Variants in CNTN4 observed in about 807,000 individuals in gnomAD.
CNTN4 encodes the protein contactin-4.
CNTN4 carries 77 observed loss-of-function variants against 122.5 expected under a neutral mutation model. That is an observed-to-expected ratio of 0.63 (90% CI 0.52 to 0.76). The LOEUF (loss-of-function observed/expected upper bound fraction) is 0.76. Among genes scored for constraint, CNTN4 ranks in the 30% least tolerant of loss-of-function variants. The pLI is 0.00. For missense variants in CNTN4, 1,256 were observed against 1,259.1 expected (o/e 1.00, Z 0.04); for synonymous variants, 512 against 447.0 (o/e 1.15, Z -1.83).
intron 2 of CNTN4, among the ~76,000 whole-genome samples, chr3:2,116,640 A>G (rs2033373251): frequency 6.6e-6 from 1 of 152,156 alleles, no homozygotes; most frequent in Admixed American, 6.5e-5. Flanking sequence ...GTTCTTAACA[A>G]AAACAGAGGA....
At chr3:2,810,758 T>C (rs188117036) in intron 6 of CNTN4, among the ~76,000 whole-genome samples, 1 of 152,362 alleles carries the variant, frequency 6.6e-6, no homozygotes, top group East Asian at 1.9e-4. Context: ...AAGTGATTAA[T>C]AGCAAGGTCA....
rs576471026 is a variant in CNTN4 at position 2,142,491 on chromosome 3, A to G, written c.-145+41852A>G. Among the ~76,000 whole-genome samples the G allele has an allele frequency of 4.3e-3, 649 of 151,918 alleles. 5 individuals are homozygous for G. The highest frequency in any genetic ancestry group is 0.02 in the Middle Eastern group (6 of 294). On this transcript the variant is annotated intron_variant, in intron 2 of 24. Transcript: ENST00000418658. ...AGATTCTCCTGCCTCAGCCTCCCCA[A>G]TAGCTGGGATTACAGGTGCCCGCCA...
chr3:3,002,115 A>G (rs1450506066), intron 14 of CNTN4, among the ~76,000 whole-genome samples: 2 of 152,216 alleles, frequency 1.3e-5, no homozygotes, highest in African/African-American at 2.4e-5. Context: ...TGAAATAGGG[A>G]GAGTGTAGAT....
In CNTN4 at chr3:2,903,018, A is replaced by C. The variant is rs375389008; in HGVS notation, c.1207+13A>C. ...CTTAGTGTTATAGGTGAGTCTTTAT[A>C]CTGGCAAGAAAAAAAAATTAAAACT... On this transcript the variant is annotated intron_variant, in intron 12 of 24. Transcript: ENST00000418658. 3.1e-6 allele frequency: 5 copies of C among 1,612,786 alleles called. No individual in the cohort carries two copies. Among genetic ancestry groups the C allele is most frequent in the Non-Finnish European group, 4.2e-6 (5 of 1,179,272 alleles).
At chr3:2,371,461 C>T (rs1278272302) in intron 3 of CNTN4, among the ~76,000 whole-genome samples, 1 of 418 alleles carries the variant, frequency 2.4e-3, no homozygotes, top group Non-Finnish European at 4.3e-3. Flanking sequence ...AGCATTTATC[C>T]TTGCATCTGT....
chr3:2,210,563 T>C (rs1008118940), intron 2 of CNTN4, among the ~76,000 whole-genome samples: 2 of 152,170 alleles, frequency 1.3e-5, no homozygotes, highest in Non-Finnish European at 2.9e-5. Flanking sequence ...ATTATCTCCA[T>C]TGATAGCATG....
At chr3:2,886,694 A>G (rs1408755271) in intron 9 of CNTN4, among the ~76,000 whole-genome samples, 3 of 151,558 alleles carry the variant, frequency 2.0e-5, no homozygotes, top group Non-Finnish European at 4.4e-5. Flanking sequence ...TTGTATTTTT[A>G]GTAGAGACGG....
chr3:2,698,758 G>A (rs1302497699), intron 4 of CNTN4, among the ~76,000 whole-genome samples: 1 of 152,072 alleles, frequency 6.6e-6, no homozygotes, highest in African/African-American at 2.4e-5. Context: ...TCTGTTTTAA[G>A]AGCCTGGCCA....
At chr3:2,605,359 G>C (rs1382804806) in intron 4 of CNTN4, among the ~76,000 whole-genome samples, 1 of 152,200 alleles carries the variant, frequency 6.6e-6, no homozygotes, top group Non-Finnish European at 1.5e-5. Flanking sequence ...TAGGAGGTGG[G>C]AGAAGGGGAT....
At chr3:2,392,738 C>T (rs550386044) in intron 3 of CNTN4, among the ~76,000 whole-genome samples, 3 of 152,252 alleles carry the variant, frequency 2.0e-5, no homozygotes, top group African/African-American at 4.8e-5. Flanking sequence ...AAGCTCATTC[C>T]TCTTATTTAA....
chr3:3,016,143 A>G (rs1465934841), intron 14 of CNTN4, among the ~76,000 whole-genome samples: 1 of 152,192 alleles, frequency 6.6e-6, no homozygotes, highest in Non-Finnish European at 1.5e-5. Context: ...CTTCCATCAC[A>G]GTCAAAGGCA....
chr3:2,611,271 A>G (rs1214419666), intron 4 of CNTN4, among the ~76,000 whole-genome samples: 3 of 142,978 alleles, frequency 2.1e-5, no homozygotes, highest in Non-Finnish European at 4.5e-5. Flanking sequence ...CATTTAGGGG[A>G]CAAAAGTACT....
rs79030123 is a variant in CNTN4, at chr3:2,713,084, A to G, written c.56-23131A>G. Among the ~76,000 whole-genome samples, 450 of 152,308 alleles carry G rather than the reference A, an allele frequency of 3.0e-3. 2 individuals are homozygous for G. Among genetic ancestry groups the G allele is most frequent in the South Asian group, 7.3e-3 (35 of 4,820 alleles). ...CCCACAGTGGGTCATGGGAACCTCAACTTGAAGCCAGTCAGGCAGAAGTTC... is the reference window on the plus strand; with the variant it reads ...CCCACAGTGGGTCATGGGAACCTCAGCTTGAAGCCAGTCAGGCAGAAGTTC... On this transcript the variant is annotated intron_variant, in intron 4 of 24. Coordinates refer to ENST00000418658, the MANE Select transcript of CNTN4 (RefSeq NM_175607.3).
At chr3:2,719,988 C>T (rs1055793346) in intron 4 of CNTN4, among the ~76,000 whole-genome samples, 1 of 152,028 alleles carries the variant, frequency 6.6e-6, no homozygotes, top group Non-Finnish European at 1.5e-5. Flanking sequence ...CACAGTGTGG[C>T]AGAAAGAATG....
At position 2,449,603 on chromosome 3, in the gene CNTN4, A is replaced by C. The variant is rs192530033; in HGVS notation, c.-89+110370A>C. ...GCACTCCAGCCTGGGTGACAGAGCA[A>C]GACTCCATCTCAAAAAAAAAAAAAA... On this transcript the variant is annotated intron_variant, in intron 3 of 24. Transcript: ENST00000418658. 2.1e-3 allele frequency among the ~76,000 whole-genome samples: 281 copies of C among 132,492 alleles called. 2 individuals are homozygous for C. Among genetic ancestry groups the C allele is most frequent in the Admixed American group, 4.1e-3 (54 of 13,112 alleles). The allele number at this position is 132,492 out of a possible 152,430, so 86.9% of individuals were successfully genotyped here.
intron 3 of CNTN4, among the ~76,000 whole-genome samples, chr3:2,528,722 T>C (rs1205567914): frequency 6.6e-6 from 1 of 152,168 alleles, no homozygotes; most frequent in African/African-American, 2.4e-5. Flanking sequence ...ACCAAGGTTT[T>C]TTTCAATATT....
intron 2 of CNTN4, among the ~76,000 whole-genome samples, chr3:2,206,988 A>G (rs533580050): frequency 7.9e-5 from 12 of 151,570 alleles, no homozygotes; most frequent in Middle Eastern, 3.4e-3. Context: ...TCTTTGTAAC[A>G]TTTTGGTAAT....
chr3:2,440,010 T>A (rs969044315), intron 3 of CNTN4, among the ~76,000 whole-genome samples: 4 of 152,120 alleles, frequency 2.6e-5, no homozygotes, highest in African/African-American at 9.7e-5. Context: ...GTAAATGAGA[T>A]TAACAAAGCC....
intron 7 of CNTN4, among the ~76,000 whole-genome samples, chr3:2,865,173 G>A (rs761533451): frequency 1.4e-4 from 22 of 152,092 alleles, no homozygotes; most frequent in Non-Finnish European, 2.2e-4. Context: ...ATGCACATGC[G>A]TAAATAAAAT....
Sources: allele counts gnomAD v4.1 joint callset (sites outside exome capture counted in the v4.1 genomes callset), GRCh38; gene constraint gnomAD v4.1.1; transcripts MANE v1.5; gene names NCBI Gene and HGNC (gene_info 2026-07-23, HGNC 2026-07-21).